The following ABCC2 variants were observed in gnomAD, a reference collection of about 807,000 sequenced individuals.
The protein encoded by ABCC2 is ATP-binding cassette sub-family C member 2.
A neutral mutation model predicts 173.4 loss-of-function variants in ABCC2; 157 were observed. The ratio of observed to expected loss-of-function variants is 0.91; its 90% CI spans 0.80 to 1.03. ABCC2 has a LOEUF of 1.03. Ranked by LOEUF, ABCC2 falls within the 50% of genes least tolerant of loss-of-function variation. The probability of loss-of-function intolerance (pLI) is 0.00; values close to 1 mark genes in which losing one functional copy is unlikely to be tolerated. For synonymous variants in ABCC2, 657 were observed against 693.5 expected (o/e 0.95, Z 0.83); for missense variants, 1,822 against 1,852.3 (o/e 0.98, Z 0.30).
chr10:99,794,568 G>T, intron 6 of ABCC2, 100 bp downstream of exon 6: 1 of 1,213,922 alleles, frequency 8.2e-7, no homozygotes. Context: ...TTTTGAGATG[G>T]AGTTTTGCTC....
intron 23 of ABCC2, 122 bp from the exon 24 acceptor site, chr10:99,834,258 G>T (rs190052652): frequency 7.1e-6 from 7 of 987,642 alleles, no homozygotes; most frequent in Non-Finnish European, 9.4e-6. Context: ...ACAATGAAAT[G>T]ATTACATGAA....
At chr10:99,825,717 G>C (rs956342294) in intron 19 of ABCC2, among the ~76,000 whole-genome samples, 29 of 152,260 alleles carry the variant, frequency 1.9e-4, no homozygotes, top group Admixed American at 1.3e-3. Flanking sequence ...CCCAAGATTA[G>C]TCCTACAGTC....
intron 21 of ABCC2, 83 bp downstream of exon 21, chr10:99,830,934 G>C: frequency 6.6e-7 from 1 of 1,505,688 alleles, no homozygotes; most frequent in African/African-American, 1.4e-5. Flanking sequence ...AAAATTGAAC[G>C]CATACTTACA....
chr10:99,806,778 A>G lies in ABCC2; in HGVS notation c.1531-606A>G, dbSNP rs1334403714. Among the ~76,000 whole-genome samples the G allele has an allele frequency of 2.6e-5, 4 of 152,238 alleles. No homozygotes were observed. In the East Asian group the frequency reaches 5.8e-4, roughly 22 times the overall value. On this transcript the variant is annotated intron_variant, in intron 11 of 31. Transcript: ENST00000647814. ...GCATTTCATCCTCCAGAGGTGACCA[A>G]TAAGTTCTTTTAACTAAATATTGTT...
At position 99,828,870 on chromosome 10, in the gene ABCC2, G is replaced by A. The variant is rs1052173911; in HGVS notation, c.2621-1437G>A. Among the ~76,000 whole-genome samples the A allele has an allele frequency of 5.9e-5, 9 of 151,690 alleles. No homozygotes were observed. In the East Asian group the frequency reaches 7.7e-4, roughly 13 times the overall value. On this transcript the variant is annotated intron_variant, in intron 19 of 31. Coordinates refer to ENST00000647814, the MANE Select transcript of ABCC2 (RefSeq NM_000392.5). ...CTTATACAGAGCCACATAGTCAGCC[G>A]GAAGTGAAAGATTAGAGCCCTCTTC...
intron 19 of ABCC2, among the ~76,000 whole-genome samples, chr10:99,824,934 G>A (rs201217710): frequency 9.9e-4 from 86 of 86,802 alleles, no homozygotes; most frequent in Middle Eastern, 0.011. Context: ...TTTTGGTAGC[G>A]GCCACTGATT....
intron 2 of ABCC2, among the ~76,000 whole-genome samples, chr10:99,785,665 C>A (rs1327240375): frequency 6.6e-6 from 1 of 152,020 alleles, no homozygotes; most frequent in Non-Finnish European, 1.5e-5. Flanking sequence ...ATTACAGGAG[C>A]ACGCCACCAT....
At chr10:99,821,650 T>A (rs904880133) in intron 19 of ABCC2, among the ~76,000 whole-genome samples, 1 of 152,196 alleles carries the variant, frequency 6.6e-6, no homozygotes, top group African/African-American at 2.4e-5. Context: ...ACACAGCACA[T>A]GTTTCAGAGA....
intron 19 of ABCC2, among the ~76,000 whole-genome samples, chr10:99,829,271 G>A (rs1007747221): frequency 6.6e-6 from 1 of 152,138 alleles, no homozygotes; most frequent in Admixed American, 6.6e-5. Flanking sequence ...TGCTATGATT[G>A]TATGGCTGTT....
At chr10:99,794,339 A>T in intron 5 of ABCC2, 74 bp from the exon 6 acceptor site, 1 of 1,318,974 alleles carries the variant, frequency 7.6e-7, no homozygotes, top group Non-Finnish European at 1.1e-6. Context: ...TTAAAAAATC[A>T]GTTTCTGATT....
In ABCC2 at chr10:99,842,097, A is replaced by G. The variant is rs373580623; in HGVS notation, c.3741+4A>G. The G allele has an allele frequency of 6.2e-7, 1 of 1,614,094 alleles. No homozygotes were observed. The highest frequency in any genetic ancestry group is 1.3e-5 in the African/African-American group (1 of 75,032). On this transcript the variant is annotated splice_donor_region_variant and intron_variant, in intron 26 of 31. Transcript: ENST00000647814. ...TGTTCTGTCCAATGCACTCAATGTG[A>G]GTTTGAAGGTTGGGAGTTTGGTTTC...
chr10:99,809,714 TC>T (rs2038176174), intron 13 of ABCC2, among the ~76,000 whole-genome samples: 1 of 152,200 alleles, frequency 6.6e-6, no homozygotes, highest in Non-Finnish European at 1.5e-5. Flanking sequence ...GTGTGCAGGG[TC>T]CCCCTGATGC....
chr10:99,841,830 A>T, intron 25 of ABCC2, 137 bp from the exon 26 acceptor site: 1 of 1,108,876 alleles, frequency 9.0e-7, no homozygotes, highest in Non-Finnish European at 1.3e-6. Context: ...GGTGTTTCTA[A>T]GTCAAATTGA....
intron 2 of ABCC2, among the ~76,000 whole-genome samples, chr10:99,791,814 G>A (rs2037815485): frequency 6.6e-6 from 1 of 152,206 alleles, no homozygotes; most frequent in African/African-American, 2.4e-5. Context: ...TCTCCAGAGT[G>A]AGCAATCGGA....
chr10:99,803,703 C>A (rs1388291817), intron 9 of ABCC2, among the ~76,000 whole-genome samples: 1 of 151,910 alleles, frequency 6.6e-6, no homozygotes, highest in East Asian at 1.9e-4. Flanking sequence ...ATATCTAACC[C>A]CAACTTGGTA....
intron 24 of ABCC2, among the ~76,000 whole-genome samples, chr10:99,834,866 G>A (rs545418136): frequency 1.8e-4 from 27 of 152,330 alleles, no homozygotes; most frequent in African/African-American, 6.0e-4. Flanking sequence ...AGCTCCATAA[G>A]AACCCCCATG....
intron 23 of ABCC2, among the ~76,000 whole-genome samples, chr10:99,832,885 T>G (rs185257138): frequency 2.8e-4 from 42 of 152,364 alleles, no homozygotes; most frequent in Admixed American, 1.5e-3. Context: ...ACTCAATGAA[T>G]GTGAAGATCA....
chr10:99,800,286 C>T (rs2037990813), intron 8 of ABCC2, 100 bp from the exon 9 acceptor site: 1 of 1,261,138 alleles, frequency 7.9e-7, no homozygotes, highest in African/African-American at 1.5e-5. Context: ...ACTTTTGTTA[C>T]CTACAGTGTA....
chr10:99,791,156 G>A (rs930266297), intron 2 of ABCC2, among the ~76,000 whole-genome samples: 10 of 152,066 alleles, frequency 6.6e-5, no homozygotes, highest in South Asian at 4.1e-4. Context: ...GCTTGTAATC[G>A]CAGCAGTTTG....
Sources: allele counts gnomAD v4.1 joint callset (sites outside exome capture counted in the v4.1 genomes callset), GRCh38; gene constraint gnomAD v4.1.1; transcripts MANE v1.5; gene names NCBI Gene and HGNC (gene_info 2026-07-23, HGNC 2026-07-21).